The following CACNA1D variants were observed in gnomAD, a reference collection of about 807,000 sequenced individuals.
The protein encoded by CACNA1D is voltage-dependent L-type calcium channel subunit alpha-1D.
In CACNA1D, 55 loss-of-function variants were observed where a neutral mutation model predicts 257.1. The observed-to-expected ratio is 0.21, with a 90% CI of 0.17 to 0.27. The LOEUF (loss-of-function observed/expected upper bound fraction) is 0.27. Ranked by LOEUF, CACNA1D falls within the 10% of genes least tolerant of loss-of-function variation. CACNA1D has a pLI of 1.00. For synonymous variants in CACNA1D, 980 were observed against 1,014.9 expected, an observed-to-expected ratio of 0.97 and a Z score of 0.65; for missense variants, 1,876 against 2,784.0, an observed-to-expected ratio of 0.67 and a Z score of 7.34.
chr3:53,786,193 T>C (rs1298469698), intron 39 of CACNA1D: 1 of 153,772 alleles, frequency 6.5e-6, no homozygotes, highest in Non-Finnish European at 1.4e-5. Context: ...AACTATGAGG[T>C]TGGTTGGAGC....
rs978912537 is a variant in CACNA1D at position 53,789,530 on chromosome 3, G to A, written c.4923+2578G>A. On this transcript the variant is annotated intron_variant, in intron 40 of 47. Coordinates refer to ENST00000350061, the MANE Select transcript of CACNA1D (RefSeq NM_001128840.3). This position sits in a 1 kb window ranked among gnomAD's most constrained non-coding sequence, Gnocchi z 4.2. ...AGGAAAATTTGGTGGGACGGCAGTG[G>A]GAGAGATATACCACCAGTGTAACTA... is the stretch of plus-strand genomic sequence containing the variant. 5.3e-5 allele frequency among the ~76,000 whole-genome samples: 8 copies of A among 152,204 alleles called. No homozygotes were observed. The highest frequency in any genetic ancestry group is 2.0e-4 in the Admixed American group (3 of 15,278).
At chr3:53,596,638 CA>C (rs1454373274) in intron 3 of CACNA1D, among the ~76,000 whole-genome samples, 2 of 152,092 alleles carry the variant, frequency 1.3e-5, no homozygotes, top group Non-Finnish European at 2.9e-5. Context: ...GCGCAGAAGT[CA>C]AGAGTGATGT....
intron 3 of CACNA1D, among the ~76,000 whole-genome samples, chr3:53,575,184 A>G (rs1164675996): frequency 6.6e-6 from 1 of 152,182 alleles, no homozygotes; most frequent in East Asian, 1.9e-4. Context: ...TGCGTCCTGC[A>G]TGATGTTGCG....
intron 3 of CACNA1D, among the ~76,000 whole-genome samples, chr3:53,640,474 A>G (rs2093937705): frequency 6.6e-6 from 1 of 152,156 alleles, no homozygotes; most frequent in Non-Finnish European, 1.5e-5. Context: ...CCTTTTGTGT[A>G]GAGATGGGAT....
intron 1 of CACNA1D, among the ~76,000 whole-genome samples, chr3:53,496,579 T>A (rs951481045): frequency 6.6e-5 from 10 of 152,190 alleles, no homozygotes; most frequent in African/African-American, 2.4e-4. Context: ...ATCTAGATAT[T>A]TGTTATGGGG....
intron 38 of CACNA1D, 106 bp downstream of exon 38, chr3:53,780,234 G>T: frequency 1.1e-6 from 1 of 902,114 alleles, no homozygotes. Flanking sequence ...GGGAGGCCCT[G>T]GGGAAGGGGC....
Position 53,809,958 on chromosome 3 carries a change from A to G in CACNA1D, c.5872-20A>G. On this transcript the variant is annotated intron_variant, in intron 46 of 47. Coordinates refer to ENST00000350061, the MANE Select transcript of CACNA1D (RefSeq NM_001128840.3). ...ACCTCTGAGAACCTCTGGTCTCCCA[A>G]CAGTCCCCTCTTTCCTCAGATCATG... 6.2e-7 allele frequency: 1 copy of G among 1,612,378 alleles called. No homozygotes were observed. Among genetic ancestry groups the G allele is most frequent in the Middle Eastern group, 1.7e-4 (1 of 6,060 alleles).
Position 53,811,602 on chromosome 3 carries a change from A to C in CACNA1D, c.*196A>C. On this transcript the variant is annotated 3_prime_UTR_variant, in exon 48 of 48. Transcript: ENST00000350061. This position sits in a 1 kb window ranked among gnomAD's most constrained non-coding sequence, Gnocchi z 4.2. ...CAGGTCCCAAGCGGTTGAGCCTGGC[A>C]GAGTACCATGCGCTCGGCCCCAGCT... 1 of 538,114 alleles carries C rather than the reference A, an allele frequency of 1.9e-6. No individual in the cohort carries two copies. Among genetic ancestry groups the C allele is most frequent in the South Asian group, 2.8e-5 (1 of 36,114 alleles). The allele number at this position is 538,114 out of a possible 1,614,324, so 33.3% of individuals were successfully genotyped here.
intron 4 of CACNA1D, among the ~76,000 whole-genome samples, chr3:53,653,173 C>T (rs1358051883): frequency 6.6e-6 from 1 of 152,170 alleles, no homozygotes; most frequent in Non-Finnish European, 1.5e-5. Context: ...ATCGCTTGAA[C>T]CTGGGAGGCA....
Position 53,780,017 on chromosome 3 carries a change from T to C in CACNA1D, c.4588-9T>C. ...CATTCTACAAAGAAACCTTCCTTTC[T>C]GTTTACAGAGATTAGTTGCCATGAA... On this transcript the variant is annotated splice_polypyrimidine_tract_variant and intron_variant, in intron 37 of 47. Coordinates refer to ENST00000350061, the MANE Select transcript of CACNA1D (RefSeq NM_001128840.3). The C allele has an allele frequency of 1.3e-6, 2 of 1,593,794 alleles. No homozygotes were observed. Among genetic ancestry groups the C allele is most frequent in the Non-Finnish European group, 1.7e-6 (2 of 1,161,436 alleles).
chr3:53,712,611 A>T (rs892390435), intron 9 of CACNA1D, among the ~76,000 whole-genome samples: 1 of 152,068 alleles, frequency 6.6e-6, no homozygotes, highest in African/African-American at 2.4e-5. Flanking sequence ...CATGTTTGTC[A>T]TGAAAATAAG....
chr3:53,495,120 C>T lies in CACNA1D; in HGVS notation c.-47C>T. 6.5e-7 allele frequency: 1 copy of T among 1,549,100 alleles called. No individual in the cohort carries two copies. Among genetic ancestry groups the T allele is most frequent in the Non-Finnish European group, 8.9e-7 (1 of 1,122,790 alleles). ...CCCCATTCCGCCCCCGCCTCAACGCCCAGCACAGTGCCCTGCACACAGTAG... is the reference window on the plus strand; with the variant it reads ...CCCCATTCCGCCCCCGCCTCAACGCTCAGCACAGTGCCCTGCACACAGTAG... On this transcript the variant is annotated 5_prime_UTR_variant, in exon 1 of 48. Transcript: ENST00000350061. This position sits in a 1 kb window ranked among gnomAD's most constrained non-coding sequence, Gnocchi z 5.1.
chr3:53,716,743 C>T (rs1371502062), intron 9 of CACNA1D, among the ~76,000 whole-genome samples: 4 of 152,174 alleles, frequency 2.6e-5, no homozygotes, highest in Non-Finnish European at 5.9e-5. Flanking sequence ...ACTTTTGACA[C>T]CCTTGCCTCA....
At chr3:53,705,854 A>G (rs751015505) in intron 9 of CACNA1D, among the ~76,000 whole-genome samples, 22 of 152,074 alleles carry the variant, frequency 1.4e-4, no homozygotes, top group Admixed American at 5.9e-4. Context: ...GCTGCCAGCC[A>G]TTTTCTTCCT....
intron 3 of CACNA1D, among the ~76,000 whole-genome samples, chr3:53,541,135 G>A (rs150904449): frequency 8.5e-5 from 13 of 152,234 alleles, no homozygotes; most frequent in Admixed American, 6.5e-4. Flanking sequence ...ATAATTTTGC[G>A]AGTACATCTA....
rs541546718 is a variant in CACNA1D at position 53,634,866 on chromosome 3, T to C, written c.484-15913T>C. Among the ~76,000 whole-genome samples the C allele has an allele frequency of 1.8e-4, 28 of 152,298 alleles. 2 individuals are homozygous for C. The highest frequency in any genetic ancestry group is 1.2e-3 in the East Asian group (6 of 5,190). ...CGATGGAAAAGAGCAGAACCAGGAA[T>C]TGGACTGCTCTTCACCATCCTCATG... On this transcript the variant is annotated intron_variant, in intron 3 of 47. Coordinates refer to ENST00000350061, the MANE Select transcript of CACNA1D (RefSeq NM_001128840.3).
intron 3 of CACNA1D, among the ~76,000 whole-genome samples, chr3:53,633,804 G>A (rs1461592839): frequency 6.6e-6 from 1 of 152,174 alleles, no homozygotes; most frequent in Non-Finnish European, 1.5e-5. Flanking sequence ...AAGACTGGAT[G>A]GTACAGTTAA....
Position 53,730,373 on chromosome 3 carries a change from G to A in CACNA1D, c.2222-69G>A, listed in dbSNP as rs142031219. 844 of 990,630 alleles carry A rather than the reference G, an allele frequency of 8.5e-4. 1 individual carries two copies. Among genetic ancestry groups the A allele is most frequent in the Non-Finnish European group, 8.4e-4 (518 of 614,536 alleles). The allele number at this position is 990,630 out of a possible 1,614,324, so 61.4% of individuals were successfully genotyped here. Reference sequence around the variant, plus strand: ...GCTTCCCGGGATGCAGAGGTGTGTGGCGTTGCCATTGTTGGCCGCACGTAG... The same window carrying A: ...GCTTCCCGGGATGCAGAGGTGTGTGACGTTGCCATTGTTGGCCGCACGTAG... On this transcript the variant is annotated intron_variant, in intron 15 of 47. Coordinates refer to ENST00000350061, the MANE Select transcript of CACNA1D (RefSeq NM_001128840.3).
chr3:53,611,560 G>T (rs1302039625), intron 3 of CACNA1D, among the ~76,000 whole-genome samples: 1 of 151,970 alleles, frequency 6.6e-6, no homozygotes, highest in Non-Finnish European at 1.5e-5. Context: ...GGTTATGTGG[G>T]TTATAGTCTT....
Sources: allele counts gnomAD v4.1 joint callset (sites outside exome capture counted in the v4.1 genomes callset), GRCh38; gene constraint gnomAD v4.1.1; non-coding constraint Gnocchi (gnomAD v3.1); transcripts MANE v1.5; gene names NCBI Gene and HGNC (gene_info 2026-07-23, HGNC 2026-07-21).